Variants in EGFLAM observed in about 807,000 individuals in gnomAD.
EGFLAM encodes the protein pikachurin.
In EGFLAM, 79 loss-of-function variants were observed where a neutral mutation model predicts 113.1. The ratio of observed to expected loss-of-function variants is 0.70; its 90% confidence interval spans 0.58 to 0.84. The LOEUF (loss-of-function observed/expected upper bound fraction) is 0.84, where lower values mean the gene tolerates loss of function less well. EGFLAM is among the 40% of genes least tolerant of loss of function. EGFLAM has a pLI of 0.00. For missense variants in EGFLAM, 1,265 were observed against 1,291.6 expected (o/e 0.98, Z 0.32); for synonymous variants, 504 against 487.6 (o/e 1.03, Z -0.44).
chr5:38,448,543 A>T, intron 18 of EGFLAM, 164 bp downstream of exon 18: 1 of 677,228 alleles, frequency 1.5e-6, no homozygotes, highest in Non-Finnish European at 2.5e-6. Context: ...ATAAACATAG[A>T]AACTAGAGCA....
intron 11 of EGFLAM, among the ~76,000 whole-genome samples, chr5:38,416,091 C>G (rs570845231): frequency 4.3e-4 from 65 of 152,120 alleles, no homozygotes; most frequent in Middle Eastern, 3.4e-3. Context: ...TTGCAAGAAG[C>G]ATGTAGCTTT....
intron 1 of EGFLAM, among the ~76,000 whole-genome samples, chr5:38,298,260 A>G (rs1460886201): frequency 6.6e-6 from 1 of 152,228 alleles, no homozygotes; most frequent in East Asian, 1.9e-4. Context: ...TGGCTTTAAT[A>G]GACTATAATT....
intron 3 of EGFLAM, among the ~76,000 whole-genome samples, chr5:38,343,678 G>A (rs1739402945): frequency 6.6e-6 from 1 of 152,170 alleles, no homozygotes; most frequent in South Asian, 2.1e-4. Flanking sequence ...CGTCCTCAGT[G>A]CATTGGAGGA....
At chr5:38,293,533 A>G (rs1236369402) in intron 1 of EGFLAM, among the ~76,000 whole-genome samples, 1 of 152,162 alleles carries the variant, frequency 6.6e-6, no homozygotes, top group African/African-American at 2.4e-5. Flanking sequence ...TTAATCATAA[A>G]CAGTTATCCA....
At chr5:38,259,748 A>G (rs1463093659) in intron 1 of EGFLAM, among the ~76,000 whole-genome samples, 1 of 152,214 alleles carries the variant, frequency 6.6e-6, no homozygotes, top group African/African-American at 2.4e-5. Flanking sequence ...ATTATATCTT[A>G]TGAACAATGG....
chr5:38,342,172 AG>A (rs1189872316), intron 3 of EGFLAM, among the ~76,000 whole-genome samples: 1 of 152,172 alleles, frequency 6.6e-6, no homozygotes, highest in Non-Finnish European at 1.5e-5. Flanking sequence ...AATCGTTTAG[AG>A]GAAGCCACTT....
intron 15 of EGFLAM, among the ~76,000 whole-genome samples, chr5:38,432,534 A>C (rs1742220367): frequency 6.6e-6 from 1 of 152,084 alleles, no homozygotes; most frequent in Non-Finnish European, 1.5e-5. Flanking sequence ...GGATGAATGG[A>C]AATTGATTTT....
intron 18 of EGFLAM, 77 bp downstream of exon 18, chr5:38,448,456 A>G (rs774506374): frequency 1.4e-5 from 20 of 1,432,166 alleles, no homozygotes; most frequent in Admixed American, 3.5e-5. Flanking sequence ...GCTTTTTCTT[A>G]TATTTCATGC....
chr5:38,341,260 T>G (rs1338234149), intron 3 of EGFLAM, among the ~76,000 whole-genome samples: 2 of 152,182 alleles, frequency 1.3e-5, no homozygotes, highest in African/African-American at 4.8e-5. Flanking sequence ...AAAAGAGGTT[T>G]AAATGACTCA....
intron 5 of EGFLAM, among the ~76,000 whole-genome samples, chr5:38,363,657 A>G (rs894377440): frequency 4.6e-5 from 7 of 152,140 alleles, no homozygotes; most frequent in African/African-American, 1.7e-4. Context: ...ATATTATTTC[A>G]TGATTTTTAT....
intron 3 of EGFLAM, among the ~76,000 whole-genome samples, chr5:38,341,966 G>A (rs1424527756): frequency 6.6e-6 from 1 of 151,614 alleles, no homozygotes; most frequent in Non-Finnish European, 1.5e-5. Context: ...CTCTCTCCAG[G>A]GACAACCTGA....
intron 1 of EGFLAM, among the ~76,000 whole-genome samples, chr5:38,325,087 C>T (rs555834092): frequency 1.8e-4 from 27 of 152,102 alleles, no homozygotes; most frequent in Non-Finnish European, 3.5e-4. Flanking sequence ...GAAATGGGTG[C>T]GGGAGCCACA....
intron 10 of EGFLAM, 74 bp downstream of exon 10, chr5:38,409,178 G>T (rs1248469751): frequency 2.4e-5 from 28 of 1,145,264 alleles, no homozygotes; most frequent in Non-Finnish European, 3.3e-5. Context: ...TTTATAGTAT[G>T]AAAAAATATA....
At chr5:38,453,837 C>A (rs78583491) in intron 19 of EGFLAM, among the ~76,000 whole-genome samples, 1,656 of 152,280 alleles carry the variant, frequency 0.011, 30 homozygotes, top group African/African-American at 0.038. Flanking sequence ...ATTCACCACC[C>A]ATTCTACTCC....
intron 17 of EGFLAM, among the ~76,000 whole-genome samples, chr5:38,441,299 C>T (rs1015160026): frequency 2.0e-5 from 3 of 152,136 alleles, no homozygotes; most frequent in Non-Finnish European, 4.4e-5. Flanking sequence ...AAGGTTTGAC[C>T]TTGGGGGTCC....
rs186660268 is a variant in EGFLAM, at chr5:38,378,266, T to C, written c.712+7804T>C. Reference sequence around the variant, plus strand: ...TGTCGTTGGTTGTGTAAACCTGTTGTCCCATAAGTGTCTGTGTGTGAGTCT... The same window carrying C: ...TGTCGTTGGTTGTGTAAACCTGTTGCCCCATAAGTGTCTGTGTGTGAGTCT... On this transcript the variant is annotated intron_variant, in intron 6 of 21. Transcript: ENST00000322350. Among the ~76,000 whole-genome samples, 122 of 152,228 alleles carry C rather than the reference T, an allele frequency of 8.0e-4. 1 individual carries two copies. Among genetic ancestry groups the C allele is most frequent in the African/African-American group, 2.8e-3 (118 of 41,538 alleles).
chr5:38,375,700 A>G (rs994101711), intron 6 of EGFLAM, among the ~76,000 whole-genome samples: 2 of 45,842 alleles, frequency 4.4e-5, no homozygotes, highest in Non-Finnish European at 8.1e-5. Flanking sequence ...TTGTGCTGGT[A>G]GTTAATGAAA....
At position 38,353,769 on chromosome 5, in the gene EGFLAM, G is replaced by A. The variant is rs182950917; in HGVS notation, c.545+1438G>A. ...TCAATTCAGCAGTCTGACTCCATGC[G>A]CCTCTCTGTTTTAGTGGCTTCATTT... On this transcript the variant is annotated intron_variant, in intron 5 of 21. Transcript: ENST00000322350. Among the ~76,000 whole-genome samples the A allele has an allele frequency of 9.8e-5, 15 of 152,310 alleles. No homozygotes were observed. In the South Asian group the frequency reaches 1.7e-3, roughly 17 times the overall value.
intron 1 of EGFLAM, among the ~76,000 whole-genome samples, chr5:38,333,322 T>C (rs1437593894): frequency 6.6e-6 from 1 of 152,224 alleles, no homozygotes; most frequent in Non-Finnish European, 1.5e-5. Context: ...TATCCAGTAA[T>C]GGGATTGCTG....
Sources: gnomAD v4.1 joint callset for allele counts (sites outside exome capture counted in the v4.1 genomes callset) on GRCh38, gnomAD v4.1.1 for gene constraint, MANE v1.5 for transcripts, NCBI Gene and HGNC (gene_info 2026-07-23, HGNC 2026-07-21) for gene names.